The following PRKN variants were observed in gnomAD, a reference collection of about 807,000 sequenced individuals.
PRKN encodes E3 ubiquitin-protein ligase parkin.
PRKN carries 56 observed loss-of-function variants against 59.5 expected under a neutral mutation model. The observed-to-expected ratio is 0.94, with a 90% confidence interval of 0.76 to 1.18. PRKN has a LOEUF of 1.18. PRKN is among the 50% of genes most tolerant of loss of function. The probability of loss-of-function intolerance (pLI) is 0.00; values close to 1 mark genes in which losing one functional copy is unlikely to be tolerated. For missense variants in PRKN, 657 were observed against 596.4 expected (o/e 1.10, Z -1.06); for synonymous variants, 250 against 222.1 (o/e 1.13, Z -1.12).
intron 3 of PRKN, among the ~76,000 whole-genome samples, chr6:162,228,703 C>T (rs576854045): frequency 1.3e-5 from 2 of 152,078 alleles, no homozygotes; most frequent in Admixed American, 1.3e-4. Context: ...TTTAATGAGG[C>T]GAAAACATGA....
chr6:162,418,881 C>G (rs1429648792), intron 2 of PRKN, among the ~76,000 whole-genome samples: 1 of 151,738 alleles, frequency 6.6e-6, no homozygotes, highest in Non-Finnish European at 1.5e-5. Flanking sequence ...GAGAAGCCAG[C>G]TAGAATCATC....
At chr6:162,530,473 G>A (rs1242136449) in intron 1 of PRKN, among the ~76,000 whole-genome samples, 1 of 152,134 alleles carries the variant, frequency 6.6e-6, no homozygotes, top group Admixed American at 6.6e-5. Context: ...GAGAAGTTCC[G>A]GGTTAAAGTC....
intron 1 of PRKN, among the ~76,000 whole-genome samples, chr6:162,625,981 C>T (rs532617813): frequency 5.3e-5 from 8 of 152,264 alleles, no homozygotes; most frequent in East Asian, 3.9e-4. Context: ...CCTTGACTTA[C>T]GCTAACTCGA....
In PRKN at chr6:161,361,904, C is replaced by T. The variant is rs570387818; in HGVS notation, c.1168-1699G>A. ...TAACTAGGTATGCATCTTCATGGCA[C>T]GCCTTCCAGTCACCACAGAGTCTTG... On this transcript the variant is annotated intron_variant, in intron 10 of 11. Transcript: ENST00000366898. This position sits in a 1 kb window ranked among gnomAD's most constrained non-coding sequence, Gnocchi z 5.2. Among the ~76,000 whole-genome samples the T allele has an allele frequency of 2.6e-5, 4 of 152,198 alleles. No individual in the cohort carries two copies. Among genetic ancestry groups the T allele is most frequent in the South Asian group, 2.1e-4 (1 of 4,812 alleles).
intron 1 of PRKN, among the ~76,000 whole-genome samples, chr6:162,658,985 T>C (rs1468070882): frequency 6.6e-6 from 1 of 152,214 alleles, no homozygotes; most frequent in African/African-American, 2.4e-5. Context: ...TATATACCTT[T>C]GGAAAGAATC....
chr6:162,064,138 A>G (rs1296637492), intron 4 of PRKN, among the ~76,000 whole-genome samples: 1 of 152,202 alleles, frequency 6.6e-6, no homozygotes, highest in African/African-American at 2.4e-5. Context: ...AAAACACCAT[A>G]TTTACCAAAA....
intron 4 of PRKN, among the ~76,000 whole-genome samples, chr6:162,065,757 T>C (rs1210781923): frequency 6.6e-6 from 1 of 152,096 alleles, no homozygotes; most frequent in African/African-American, 2.4e-5. Context: ...TATGTGATGT[T>C]CCCTGCCCTG....
intron 7 of PRKN, among the ~76,000 whole-genome samples, chr6:161,622,777 T>A (rs1782954391): frequency 6.6e-6 from 1 of 152,218 alleles, no homozygotes; most frequent in South Asian, 2.1e-4. Flanking sequence ...AACTTGACAA[T>A]TTTCTTGTTC....
At position 161,456,355 on chromosome 6, in the gene PRKN, A is replaced by G. The variant is rs927674042; in HGVS notation, c.1084-69478T>C. Among the ~76,000 whole-genome samples, 22 of 152,032 alleles carry G rather than the reference A, an allele frequency of 1.4e-4. No homozygotes were observed. Among genetic ancestry groups the G allele is most frequent in the African/African-American group, 5.1e-4 (21 of 41,392 alleles). On this transcript the variant is annotated intron_variant, in intron 9 of 11. Transcript: ENST00000366898. The surrounding 1 kb of genome is among the most constrained non-coding windows in gnomAD (Gnocchi z 4.8). Reference sequence around the variant, plus strand: ...TCCTGCCCTGGAACATCAGACTCCAAGTTCTTCAGCTTTTGGACTCTTGGA... The same window carrying G: ...TCCTGCCCTGGAACATCAGACTCCAGGTTCTTCAGCTTTTGGACTCTTGGA...
chr6:162,493,624 A>G (rs1159999659), intron 1 of PRKN, among the ~76,000 whole-genome samples: 1 of 152,250 alleles, frequency 6.6e-6, no homozygotes, highest in African/African-American at 2.4e-5. Flanking sequence ...AGTGAAGAAG[A>G]TAAATGGGGA....
rs188663886 is a variant in PRKN at position 162,313,641 on chromosome 6, T to A, written c.172-50876A>T. 2.0e-3 allele frequency among the ~76,000 whole-genome samples: 303 copies of A among 151,986 alleles called. 2 individuals are homozygous for A. Among genetic ancestry groups the A allele is most frequent in the African/African-American group, 7.0e-3 (292 of 41,482 alleles). On this transcript the variant is annotated intron_variant, in intron 2 of 11. Coordinates refer to ENST00000366898, the MANE Select transcript of PRKN (RefSeq NM_004562.3). ...TAGCTGGGATTACAGGCGCGTACCA[T>A]CATGCCCGGCTAATTTTTGTATTTT...
chr6:161,510,418 C>T (rs989462378), intron 9 of PRKN, among the ~76,000 whole-genome samples: 1 of 150,770 alleles, frequency 6.6e-6, no homozygotes, highest in South Asian at 2.1e-4. Flanking sequence ...AGTGAGGCAT[C>T]GTGAAGTGTG....
intron 9 of PRKN, among the ~76,000 whole-genome samples, chr6:161,524,716 TA>T (rs1489447179): frequency 6.6e-6 from 1 of 152,064 alleles, no homozygotes; most frequent in East Asian, 1.9e-4. Flanking sequence ...TATCAAATAC[TA>T]AACAAAAAAT....
chr6:162,592,042 C>A (rs1781331055), intron 1 of PRKN, among the ~76,000 whole-genome samples: 1 of 152,190 alleles, frequency 6.6e-6, no homozygotes, highest in African/African-American at 2.4e-5. Context: ...CCCTGTCTCT[C>A]AGGCTAGAGT....
intron 6 of PRKN, among the ~76,000 whole-genome samples, chr6:161,878,483 C>T (rs1486523280): frequency 6.6e-6 from 1 of 152,112 alleles, no homozygotes; most frequent in African/African-American, 2.4e-5. Flanking sequence ...CTTTTGAAAT[C>T]GCACAGTACG....
At chr6:161,382,287 G>A (rs1374375542) in intron 10 of PRKN, among the ~76,000 whole-genome samples, 1 of 152,120 alleles carries the variant, frequency 6.6e-6, no homozygotes, top group African/African-American at 2.4e-5. Flanking sequence ...GCTTCTGGGA[G>A]GAGGTAACAT....
intron 6 of PRKN, among the ~76,000 whole-genome samples, chr6:161,972,187 T>A (rs539532134): frequency 6.8e-6 from 1 of 146,460 alleles, no homozygotes; most frequent in South Asian, 2.2e-4. Context: ...GGCAGGAGAA[T>A]CCCTTGAACC....
intron 4 of PRKN, among the ~76,000 whole-genome samples, chr6:162,174,878 A>G (rs1339710048): frequency 6.6e-6 from 1 of 152,220 alleles, no homozygotes; most frequent in Non-Finnish European, 1.5e-5. Context: ...AAATCAAAGG[A>G]TAATTACTGG....
rs1248310284 is a variant in PRKN at position 161,429,987 on chromosome 6, T to C, written c.1084-43110A>G. 6.6e-6 allele frequency among the ~76,000 whole-genome samples: 1 copy of C among 152,192 alleles called. No individual in the cohort carries two copies. The highest frequency in any genetic ancestry group is 1.5e-5 in the Non-Finnish European group (1 of 68,040). The stretch of plus-strand genomic sequence containing the variant: ...GCATTATTTACAGCAATATCTTTTT[T>C]CCTGTGCTGGTTTCTCAAATCCCAG... On this transcript the variant is annotated intron_variant, in intron 9 of 11. Coordinates refer to ENST00000366898, the MANE Select transcript of PRKN (RefSeq NM_004562.3). The surrounding 1 kb of genome is among the most constrained non-coding windows in gnomAD (Gnocchi z 4.2).
Sources: gnomAD v4.1 joint callset for allele counts (sites outside exome capture counted in the v4.1 genomes callset) on GRCh38, gnomAD v4.1.1 for gene constraint, Gnocchi (gnomAD v3.1) non-coding constraint, MANE v1.5 for transcripts, NCBI Gene and HGNC (gene_info 2026-07-23, HGNC 2026-07-21) for gene names.